The following TSPAN5 variants were observed in gnomAD, a reference collection of about 807,000 sequenced individuals.
The protein encoded by TSPAN5 is tetraspanin-5.
In TSPAN5, 10 loss-of-function variants were observed where a neutral mutation model predicts 37.1. The observed-to-expected ratio is 0.27, with a 90% CI of 0.17 to 0.46. The LOEUF (loss-of-function observed/expected upper bound fraction) is 0.46, where lower values mean the gene tolerates loss of function less well. Ranked by LOEUF, TSPAN5 falls within the 20% of genes least tolerant of loss-of-function variation. The pLI is 1.00. For missense variants in TSPAN5, 195 were observed against 326.6 expected, an observed-to-expected ratio of 0.60 and a Z score of 3.11; for synonymous variants, 110 against 118.9, an observed-to-expected ratio of 0.93 and a Z score of 0.48.
At chr4:98,550,525 T>C (rs1560533589) in intron 1 of TSPAN5, among the ~76,000 whole-genome samples, 1 of 152,132 alleles carries the variant, frequency 6.6e-6, no homozygotes, top group African/African-American at 2.4e-5. Context: ...ATGGGATATT[T>C]TTCCATTTGT....
chr4:98,504,925 T>C (rs531188438), intron 2 of TSPAN5, among the ~76,000 whole-genome samples: 1 of 152,282 alleles, frequency 6.6e-6, no homozygotes, highest in African/African-American at 2.4e-5. Context: ...GGGAAGTCCA[T>C]GATCAAGGCG....
At chr4:98,475,987 C>T (rs1752685802) in intron 7 of TSPAN5, among the ~76,000 whole-genome samples, 1 of 151,278 alleles carries the variant, frequency 6.6e-6, no homozygotes, top group Non-Finnish European at 1.5e-5. Flanking sequence ...AAGACTCCAT[C>T]TCAAAAAAAA....
chr4:98,483,986 A>C (rs1560507377), intron 3 of TSPAN5: 1 of 176,762 alleles, frequency 5.7e-6, no homozygotes, highest in East Asian at 1.5e-4. Flanking sequence ...AAATGACAAA[A>C]TTATAGCTAG....
At chr4:98,587,406 T>C (rs1394896835) in intron 1 of TSPAN5, among the ~76,000 whole-genome samples, 3 of 152,176 alleles carry the variant, frequency 2.0e-5, no homozygotes, top group Non-Finnish European at 4.4e-5. Flanking sequence ...ATTTGTCTCA[T>C]ACCTTCCAAA....
chr4:98,652,152 G>A (rs1443204551), intron 1 of TSPAN5, among the ~76,000 whole-genome samples: 1 of 152,036 alleles, frequency 6.6e-6, no homozygotes, highest in Non-Finnish European at 1.5e-5. Context: ...AAGCCCCCAA[G>A]CCTGGCCCAA....
chr4:98,655,935 GGCA>G (rs1337078761), intron 1 of TSPAN5, among the ~76,000 whole-genome samples: 1 of 152,126 alleles, frequency 6.6e-6, no homozygotes, highest in Non-Finnish European at 1.5e-5. Flanking sequence ...GAAGGCTTTG[GGCA>G]CAGAGAGGAG....
intron 1 of TSPAN5, chr4:98,657,798 T>C (rs1343527722): frequency 3.0e-6 from 1 of 330,680 alleles, no homozygotes; most frequent in Non-Finnish European, 5.7e-6. Flanking sequence ...CTGCCCAACA[T>C]CTATATCCCA....
chr4:98,582,241 C>G (rs1394224272), intron 1 of TSPAN5, among the ~76,000 whole-genome samples: 2 of 152,234 alleles, frequency 1.3e-5, no homozygotes, highest in Non-Finnish European at 2.9e-5. Context: ...CCGACGCAAC[C>G]GCATGTTGCG....
chr4:98,619,781 G>A (rs1579035248), intron 1 of TSPAN5, among the ~76,000 whole-genome samples: 1 of 152,110 alleles, frequency 6.6e-6, no homozygotes, highest in East Asian at 1.9e-4. Context: ...GAGGTGGGGA[G>A]GTCCAAAATC....
intron 2 of TSPAN5, among the ~76,000 whole-genome samples, chr4:98,505,894 T>C (rs909328241): frequency 2.0e-5 from 3 of 152,198 alleles, no homozygotes; most frequent in Non-Finnish European, 4.4e-5. Flanking sequence ...GAAATCTTGA[T>C]GGTGGCCCTT....
chr4:98,590,678 C>G (rs1755606004), intron 1 of TSPAN5, among the ~76,000 whole-genome samples: 1 of 151,204 alleles, frequency 6.6e-6, no homozygotes, highest in South Asian at 2.1e-4. Flanking sequence ...TCACTGCACT[C>G]CAGCCTGGGC....
At chr4:98,585,737 T>A (rs1755472493) in intron 1 of TSPAN5, among the ~76,000 whole-genome samples, 1 of 152,240 alleles carries the variant, frequency 6.6e-6, no homozygotes, top group South Asian at 2.1e-4. Flanking sequence ...GTTCCATCCA[T>A]GATGCTGCAA....
chr4:98,583,607 G>C (rs1755418293), intron 1 of TSPAN5, among the ~76,000 whole-genome samples: 1 of 152,246 alleles, frequency 6.6e-6, no homozygotes, highest in Non-Finnish European at 1.5e-5. Context: ...TAAGAGAGGA[G>C]AGAGCACTGT....
intron 1 of TSPAN5, among the ~76,000 whole-genome samples, chr4:98,519,434 G>C (rs986191432): frequency 3.3e-5 from 5 of 152,146 alleles, no homozygotes; most frequent in African/African-American, 1.2e-4. Context: ...GGAGTTCAAG[G>C]TTACATTGAG....
intron 1 of TSPAN5, among the ~76,000 whole-genome samples, chr4:98,528,528 T>C (rs1287480526): frequency 1.3e-5 from 2 of 152,022 alleles, no homozygotes; most frequent in African/African-American, 4.8e-5. Context: ...AGAGAATACC[T>C]GTTTACATAA....
At chr4:98,618,473 C>T (rs775949647) in intron 1 of TSPAN5, among the ~76,000 whole-genome samples, 2 of 152,128 alleles carry the variant, frequency 1.3e-5, no homozygotes, top group African/African-American at 4.8e-5. Context: ...TAATAGCAGT[C>T]GTAATAACTA....
At chr4:98,562,437 C>T (rs932041904) in intron 1 of TSPAN5, among the ~76,000 whole-genome samples, 7 of 152,046 alleles carry the variant, frequency 4.6e-5, no homozygotes, top group East Asian at 1.9e-4. Context: ...CCAAGGCAGG[C>T]GGATCACAAG....
At chr4:98,482,209 A>G (rs758998518) in intron 3 of TSPAN5, 34 bp from the exon 4 acceptor site, 1 of 1,600,788 alleles carries the variant, frequency 6.2e-7, no homozygotes, top group African/African-American at 1.3e-5. Flanking sequence ...GAGAACAGTT[A>G]TAAGGGCTAT....
At chr4:98,625,584 T>C (rs1039607133) in intron 1 of TSPAN5, among the ~76,000 whole-genome samples, 4 of 152,240 alleles carry the variant, frequency 2.6e-5, no homozygotes, top group African/African-American at 9.6e-5. Context: ...TTCCTTCCTG[T>C]GAACCTCTGG....
Sources: gnomAD v4.1 joint callset for allele counts (sites outside exome capture counted in the v4.1 genomes callset) on GRCh38, gnomAD v4.1.1 for gene constraint, MANE v1.5 for transcripts, NCBI Gene and HGNC (gene_info 2026-07-23, HGNC 2026-07-21) for gene names.